Variants in PPP1R1C observed in about 807,000 individuals in gnomAD.
PPP1R1C encodes protein phosphatase 1 regulatory inhibitor subunit 1C.
A neutral mutation model predicts 17.4 loss-of-function variants in PPP1R1C; 15 were observed. The observed-to-expected ratio is 0.86, with a 90% CI of 0.58 to 1.33. The LOEUF is 1.33. PPP1R1C is among the 40% of genes most tolerant of loss of function. The pLI, the probability that PPP1R1C is intolerant of heterozygous loss-of-function variation, is 0.00. For missense variants in PPP1R1C, 143 were observed against 130.0 expected, an observed-to-expected ratio of 1.10 and a Z score of -0.48; for synonymous variants, 35 against 43.1, an observed-to-expected ratio of 0.81 and a Z score of 0.73.
chr2:182,090,289 CTGTGTGTG>C (rs142618201), intron 4 of PPP1R1C, among the ~76,000 whole-genome samples: 1 of 145,592 alleles, frequency 6.9e-6, no homozygotes, highest in Non-Finnish European at 1.5e-5. Context: ...ACTATAAATT[CTGTGTGTG>C]TGTGTGTGTG....
chr2:181,996,153 C>G (rs1248102275), intron 2 of PPP1R1C, among the ~76,000 whole-genome samples: 1 of 152,170 alleles, frequency 6.6e-6, no homozygotes, highest in African/African-American at 2.4e-5. Flanking sequence ...TCCATACTAC[C>G]TGAAATCTTA....
intron 4 of PPP1R1C, among the ~76,000 whole-genome samples, chr2:182,095,285 C>T (rs987590061): frequency 6.7e-6 from 1 of 149,990 alleles, no homozygotes; most frequent in African/African-American, 2.5e-5. Flanking sequence ...GGTGACAGAG[C>T]GAGACTCCAT....
upstream of PPP1R1C, among the ~76,000 whole-genome samples, chr2:181,981,608 T>C (rs139402171): frequency 7.2e-5 from 11 of 152,330 alleles, no homozygotes; most frequent in African/African-American, 2.4e-4. Flanking sequence ...TAGGTATCAA[T>C]GGTTCAGTAA....
chr2:181,974,473 C>T (rs1685062894), intron 1 of PPP1R1C, among the ~76,000 whole-genome samples: 1 of 152,140 alleles, frequency 6.6e-6, no homozygotes, highest in Non-Finnish European at 1.5e-5. Context: ...ATATTCTAGT[C>T]TTGTCACAAA....
intron 2 of PPP1R1C, among the ~76,000 whole-genome samples, chr2:182,016,707 A>G (rs16822343): frequency 0.024 from 3,585 of 152,302 alleles, 145 homozygotes; most frequent in African/African-American, 0.081. Context: ...TAGCTGAAAT[A>G]TGATAATACT....
intron 2 of PPP1R1C, among the ~76,000 whole-genome samples, chr2:182,024,180 T>A (rs1215285839): frequency 6.6e-6 from 1 of 152,190 alleles, no homozygotes; most frequent in Non-Finnish European, 1.5e-5. Context: ...ATGATGAAAT[T>A]CACTAAATCT....
intron 4 of PPP1R1C, among the ~76,000 whole-genome samples, chr2:182,096,895 G>T (rs932330133): frequency 7.2e-5 from 11 of 152,134 alleles, no homozygotes; most frequent in African/African-American, 2.7e-4. Context: ...TCCATGAAAA[G>T]CTTGCTCAAG....
chr2:182,028,158 A>G (rs1349172672), intron 2 of PPP1R1C, among the ~76,000 whole-genome samples: 1 of 134,010 alleles, frequency 7.5e-6, no homozygotes, highest in East Asian at 2.1e-4. Context: ...CTTTCAAAAA[A>G]CCAGCTCCTG....
At chr2:182,037,553 C>T (rs1016592479) in intron 2 of PPP1R1C, among the ~76,000 whole-genome samples, 1 of 151,098 alleles carries the variant, frequency 6.6e-6, no homozygotes, top group Non-Finnish European at 1.5e-5. Context: ...CGCCACTGCA[C>T]TCCAGCCTGG....
chr2:182,101,832 G>A (rs2125228024), intron 4 of PPP1R1C, among the ~76,000 whole-genome samples: 1 of 152,286 alleles, frequency 6.6e-6, no homozygotes, highest in African/African-American at 2.4e-5. Context: ...CTGCTGAAGG[G>A]AAGGCTGCCC....
At chr2:182,075,805 T>C (rs1453868516) in intron 4 of PPP1R1C, among the ~76,000 whole-genome samples, 1 of 152,176 alleles carries the variant, frequency 6.6e-6, no homozygotes, top group Non-Finnish European at 1.5e-5. Context: ...TCACTTCAAA[T>C]TTTGGAGTTT....
chr2:181,955,694 T>G (rs1345203357), intron 1 of PPP1R1C, among the ~76,000 whole-genome samples: 3 of 152,158 alleles, frequency 2.0e-5, no homozygotes, highest in Admixed American at 1.3e-4. Context: ...AGCCCTTTTT[T>G]GGGGGAAATT....
intron 4 of PPP1R1C, chr2:182,103,904 C>T (rs1043664256): frequency 2.0e-5 from 3 of 152,020 alleles, no homozygotes; most frequent in African/African-American, 7.2e-5. Flanking sequence ...TTCACACTTT[C>T]GATAAAAGAA....
At chr2:181,981,344 G>A (rs549061162), upstream of PPP1R1C, among the ~76,000 whole-genome samples, 3 of 152,274 alleles carry the variant, frequency 2.0e-5, no homozygotes, top group South Asian at 6.2e-4. Flanking sequence ...AGTGCTGTGG[G>A]AATTCAGATT....
chr2:182,000,656 G>T (rs971412197), intron 2 of PPP1R1C, among the ~76,000 whole-genome samples: 1 of 152,164 alleles, frequency 6.6e-6, no homozygotes, highest in African/African-American at 2.4e-5. Context: ...GTATTATTTG[G>T]TTATGTGACT....
intron 4 of PPP1R1C, among the ~76,000 whole-genome samples, chr2:182,064,367 A>G (rs909952416): frequency 6.6e-6 from 1 of 152,098 alleles, no homozygotes; most frequent in Non-Finnish European, 1.5e-5. Context: ...CTTGACCAAC[A>G]TCAGTTCCAG....
intron 4 of PPP1R1C, among the ~76,000 whole-genome samples, chr2:182,076,400 G>A (rs1303179124): frequency 1.3e-5 from 2 of 150,694 alleles, no homozygotes; most frequent in Admixed American, 6.6e-5. Context: ...TAGAAAAAAG[G>A]GACCAAAAGA....
At position 182,063,945 on chromosome 2, in the gene PPP1R1C, T is replaced by A; in HGVS notation, c.241+154T>A. ...TGTTCAGTAAGATATCTTATCTACT[T>A]AAAACTTAGTTTCATCAAGAGTAAA... On this transcript the variant is annotated intron_variant, in intron 4 of 4. Transcript: ENST00000682840. 7.3e-6 allele frequency: 4 copies of A among 547,816 alleles called. No homozygotes were observed. The South Asian group carries it at 1.3e-4, about 17-fold the overall frequency. 33.9% of individuals were successfully genotyped at this position (547,816 alleles called of 1,614,324 possible).
upstream of PPP1R1C, among the ~76,000 whole-genome samples, chr2:181,983,627 A>C (rs1446532302): frequency 6.6e-6 from 1 of 152,194 alleles, no homozygotes; most frequent in Non-Finnish European, 1.5e-5. Context: ...TTTTAACACA[A>C]TCTCTCCTCT....
Sources: allele counts gnomAD v4.1 joint callset (sites outside exome capture counted in the v4.1 genomes callset), GRCh38; gene constraint gnomAD v4.1.1; transcripts MANE v1.5; gene names NCBI Gene and HGNC (gene_info 2026-07-23, HGNC 2026-07-21).